The following CPO variants were observed in gnomAD, a reference collection of about 807,000 sequenced individuals.
CPO encodes carboxypeptidase O, also known as metallocarboxypeptidase C.
Under a neutral mutation model 41.2 loss-of-function variants are expected in CPO, and 43 were observed. The ratio of observed to expected loss-of-function variants is 1.04; its 90% CI spans 0.82 to 1.35. The LOEUF (loss-of-function observed/expected upper bound fraction) is 1.35, where lower values mean the gene tolerates loss of function less well. Ranked by LOEUF, CPO falls within the 40% of genes most tolerant of loss-of-function variation. The probability of loss-of-function intolerance (pLI) is 0.00; values close to 1 mark genes in which losing one functional copy is unlikely to be tolerated. For synonymous variants in CPO, 178 were observed against 162.7 expected (o/e 1.09, Z -0.72); for missense variants, 408 against 451.7 (o/e 0.90, Z 0.88).
At position 206,943,710 on chromosome 2, in the gene CPO, A is replaced by ATG. The variant is rs1559068322; in HGVS notation, c.68+4043_68+4044insTG. Among the ~76,000 whole-genome samples, 325 of 75,358 alleles carry ATG rather than the reference A, an allele frequency of 4.3e-3. 3 individuals are homozygous for ATG. The highest frequency in any genetic ancestry group is 0.011 in the East Asian group (32 of 2,792). The allele number at this position is 75,358 out of a possible 152,430, so 49.4% of individuals were successfully genotyped here. On this transcript the variant is annotated intron_variant, in intron 1 of 8. Coordinates refer to ENST00000272852, the MANE Select transcript of CPO (RefSeq NM_173077.3). Reference sequence around the variant, plus strand: ...TAGATAGATAGATAGATAGATAGATAGATAGATGATGGATAGATGATAGAT... The same window carrying ATG: ...TAGATAGATAGATAGATAGATAGATATGGATAGATGATGGATAGATGATAGAT...
chr2:206,950,901 G>A (rs192121468), intron 2 of CPO, among the ~76,000 whole-genome samples: 59 of 129,358 alleles, frequency 4.6e-4, no homozygotes, highest in Non-Finnish European at 8.4e-4. Flanking sequence ...CAGGGAGGGG[G>A]AACATCACAC....
intron 8 of CPO, among the ~76,000 whole-genome samples, 187 bp downstream of exon 8, chr2:206,968,534 G>T (rs1238060491): frequency 6.6e-6 from 1 of 152,116 alleles, no homozygotes; most frequent in Admixed American, 6.5e-5. Context: ...CTAGGGATAA[G>T]GTATGAACTA....
chr2:206,949,472 A>G, intron 1 of CPO, 145 bp from the exon 2 acceptor site: 1 of 566,400 alleles, frequency 1.8e-6, no homozygotes, highest in Non-Finnish European at 3.2e-6. Flanking sequence ...ATAATTAGTA[A>G]GTCACAGAGC....
chr2:206,966,112 G>A (rs532201765), intron 7 of CPO, among the ~76,000 whole-genome samples: 2 of 152,068 alleles, frequency 1.3e-5, no homozygotes, highest in South Asian at 4.2e-4. Flanking sequence ...ACAAAGAAGG[G>A]TAAACTGGAA....
Position 206,955,650 on chromosome 2 carries a change from G to A in CPO, c.267+86G>A, listed in dbSNP as rs565850329. 1.8e-5 allele frequency: 15 copies of A among 823,770 alleles called. No individual in the cohort carries two copies. The East Asian group carries it at 3.4e-4, about 19-fold the overall frequency. The allele number at this position is 823,770 out of a possible 1,614,324, so 51.0% of individuals were successfully genotyped here. ...CTATTCAGGGACTCTAATCAGAAGT[G>A]TGGAAAAGAGGCTATGCAGAATCAG... On this transcript the variant is annotated intron_variant, in intron 3 of 8. Coordinates refer to ENST00000272852, the MANE Select transcript of CPO (RefSeq NM_173077.3).
intron 2 of CPO, among the ~76,000 whole-genome samples, chr2:206,950,523 TTC>T (rs1286743667): frequency 2.6e-5 from 4 of 152,214 alleles, no homozygotes; most frequent in African/African-American, 9.7e-5. Flanking sequence ...AGTGTGGCGA[TTC>T]CTCAAGGATC....
At chr2:206,943,703 G>T (rs1693075426) in intron 1 of CPO, among the ~76,000 whole-genome samples, 1 of 74,482 alleles carries the variant, frequency 1.3e-5, no homozygotes, top group Non-Finnish European at 3.1e-5. Context: ...TAGATAGATA[G>T]ATAGATAGAT....
Position 206,950,550 on chromosome 2 carries a change from C to T in CPO, c.165+837C>T, listed in dbSNP as rs190359049. Among the ~76,000 whole-genome samples, 129 of 152,280 alleles carry T rather than the reference C, an allele frequency of 8.5e-4. 1 individual carries two copies. The highest frequency in any genetic ancestry group is 3.4e-3 in the Middle Eastern group (1 of 294). ...CCTCAAGGATCTAGAACTAGAAATA[C>T]TATTTGACCCAGCAATCCCATTACT... On this transcript the variant is annotated intron_variant, in intron 2 of 8. Transcript: ENST00000272852.
intron 1 of CPO, among the ~76,000 whole-genome samples, chr2:206,940,331 G>A (rs1693005532): frequency 6.6e-6 from 1 of 152,020 alleles, no homozygotes. Flanking sequence ...GTCAGTAACT[G>A]AGGAAAATGT....
At chr2:206,966,520 C>A (rs58947095) in intron 7 of CPO, among the ~76,000 whole-genome samples, 18,388 of 151,988 alleles carry the variant, frequency 0.12, 1,745 homozygotes, top group African/African-American at 0.26. Context: ...CCCACCCCTC[C>A]CTCTCATTTC....
intron 1 of CPO, among the ~76,000 whole-genome samples, chr2:206,945,818 C>G (rs1255065153): frequency 6.6e-6 from 1 of 151,992 alleles, no homozygotes; most frequent in African/African-American, 2.4e-5. Context: ...TGCCTGTAAT[C>G]CCAGCTACTC....
Position 206,949,600 on chromosome 2 carries a change from C to G in CPO, c.69-17C>G, listed in dbSNP as rs1291582801. 6.3e-7 allele frequency: 1 copy of G among 1,597,102 alleles called. No homozygotes were observed. Among genetic ancestry groups the G allele is most frequent in the African/African-American group, 1.3e-5 (1 of 74,700 alleles). On this transcript the variant is annotated splice_polypyrimidine_tract_variant and intron_variant, in intron 1 of 8. Transcript: ENST00000272852. ...AGTTTCACCACTGCTTTTCCTCTTA[C>G]TTTCTTCCCTTTGCAGATCCTTAGC...
In CPO at chr2:206,954,542, T is replaced by C. The variant is rs141872844; in HGVS notation, c.166-921T>C. Among the ~76,000 whole-genome samples the C allele has an allele frequency of 2.9e-3, 443 of 152,316 alleles. 5 individuals carry two copies. The East Asian group carries it at 0.043, about 15-fold the overall frequency. ...CGAGTCTCTAGGAAGTTCCAAACTT[T>C]TCCACATTTTCCTGTCTTCTACTGG... On this transcript the variant is annotated intron_variant, in intron 2 of 8. Transcript: ENST00000272852.
chr2:206,939,594 G>T lies in CPO; in HGVS notation c.-6G>T. 6.2e-7 allele frequency: 1 copy of T among 1,610,306 alleles called. No individual in the cohort carries two copies. Among genetic ancestry groups the T allele is most frequent in the East Asian group, 2.2e-5 (1 of 44,790 alleles). On this transcript the variant is annotated 5_prime_UTR_variant, in exon 1 of 9. Coordinates refer to ENST00000272852, the MANE Select transcript of CPO (RefSeq NM_173077.3). ...CCCAGAATTTTCTAACTTACTGTGT[G>T]GCAGAATGAAGCCTCTGCTTGAAAC...
At chr2:206,943,763 TA>T (rs1693086952) in intron 1 of CPO, among the ~76,000 whole-genome samples, 1 of 146,866 alleles carries the variant, frequency 6.8e-6, no homozygotes, top group Non-Finnish European at 1.5e-5. Context: ...GATAGATAGA[TA>T]GATAGATAGA....
chr2:206,956,801 A>C (rs1405490255), intron 3 of CPO, among the ~76,000 whole-genome samples: 1 of 152,156 alleles, frequency 6.6e-6, no homozygotes, highest in Non-Finnish European at 1.5e-5. Context: ...TACAGCCCTA[A>C]ATTTGAGAGT....
rs73983114 is a variant in CPO, at chr2:206,951,670, T to C, written c.165+1957T>C. On this transcript the variant is annotated intron_variant, in intron 2 of 8. Transcript: ENST00000272852. ...ACACTTTATGACCTGGTATCAGAGA[T>C]GAGTTCACACATGGCTTGACCACTT... Among the ~76,000 whole-genome samples, 200 of 152,366 alleles carry C rather than the reference T, an allele frequency of 1.3e-3. 1 individual carries two copies. The highest frequency in any genetic ancestry group is 4.7e-3 in the African/African-American group (196 of 41,592).
intron 6 of CPO, 45 bp from the exon 7 acceptor site, chr2:206,962,367 A>G: frequency 6.4e-7 from 1 of 1,571,532 alleles, no homozygotes; most frequent in Non-Finnish European, 8.8e-7. Context: ...GTCATTTCCA[A>G]ACTGAGATCA....
rs377702684 is a variant in CPO at position 206,968,256 on chromosome 2, C to A, written c.778-7C>A. ...CAGATATCTGTCTCTGCATTTCCCA[C>A]CTACAGATTCAAGTTGGACAGAAGG... On this transcript the variant is annotated splice_region_variant and splice_polypyrimidine_tract_variant and intron_variant, in intron 7 of 8. Coordinates refer to ENST00000272852, the MANE Select transcript of CPO (RefSeq NM_173077.3). The A allele has an allele frequency of 1.3e-6, 2 of 1,580,038 alleles. No homozygotes were observed. The highest frequency in any genetic ancestry group is 2.2e-5 in the East Asian group (1 of 44,686).
Sources: allele counts gnomAD v4.1 joint callset (sites outside exome capture counted in the v4.1 genomes callset), GRCh38; gene constraint gnomAD v4.1.1; transcripts MANE v1.5; gene names NCBI Gene and HGNC (gene_info 2026-07-23, HGNC 2026-07-21).